Variants in ZNF280D observed in about 807,000 individuals in gnomAD.
ZNF280D encodes suppressor of hairy wing homolog 4.
ZNF280D carries 39 observed loss-of-function variants against 94.7 expected under a neutral mutation model. That is an observed-to-expected ratio of 0.41 (90% CI 0.32 to 0.54). ZNF280D has a LOEUF of 0.54. ZNF280D is among the 20% of genes least tolerant of loss of function. The pLI, the probability that ZNF280D is intolerant of heterozygous loss-of-function variation, is 0.22. For missense variants in ZNF280D, 1,090 were observed against 1,149.3 expected, an observed-to-expected ratio of 0.95 and a Z score of 0.75; for synonymous variants, 398 against 377.6, an observed-to-expected ratio of 1.05 and a Z score of -0.63.
At chr15:56,669,927 ATATATATAT>A (rs1566960453) in intron 13 of ZNF280D, among the ~76,000 whole-genome samples, 104 of 8,462 alleles carry the variant, frequency 0.012, 31 homozygotes, top group African/African-American at 0.037. Flanking sequence ...TATATATATT[ATATATATAT>A]TATATATATA....
chr15:56,676,917 C>T, intron 12 of ZNF280D, 101 bp from the exon 13 acceptor site: 2 of 891,992 alleles, frequency 2.2e-6, no homozygotes, highest in Middle Eastern at 3.5e-4. Context: ...ACATTATGTA[C>T]TACTAATCTA....
intron 6 of ZNF280D, chr15:56,700,711 G>A: frequency 6.9e-7 from 1 of 1,445,626 alleles, no homozygotes; most frequent in Non-Finnish European, 9.1e-7. Flanking sequence ...TACCTATTTA[G>A]GCATACTGCC....
At chr15:56,642,094 G>T (rs1285307394) in intron 20 of ZNF280D, among the ~76,000 whole-genome samples, 1 of 151,506 alleles carries the variant, frequency 6.6e-6, no homozygotes, top group Admixed American at 6.6e-5. Context: ...TAAGATTCGA[G>T]TTCAACATAT....
At chr15:56,649,185 T>C (rs1287859114) in intron 19 of ZNF280D, among the ~76,000 whole-genome samples, 3 of 152,142 alleles carry the variant, frequency 2.0e-5, no homozygotes, top group African/African-American at 7.2e-5. Flanking sequence ...GGTTTGTTGG[T>C]AATATTGAAT....
chr15:56,653,953 G>T (rs2053366738), intron 19 of ZNF280D: 2 of 1,372,628 alleles, frequency 1.5e-6, no homozygotes, highest in Admixed American at 6.0e-5. Flanking sequence ...TCATGAACTT[G>T]GCTGCTCAAC....
chr15:56,657,870 T>C (rs2053655567), intron 17 of ZNF280D, among the ~76,000 whole-genome samples: 1 of 152,002 alleles, frequency 6.6e-6, no homozygotes, highest in African/African-American at 2.4e-5. Flanking sequence ...CAATCATAAG[T>C]ATATACTAAA....
intron 10 of ZNF280D, among the ~76,000 whole-genome samples, chr15:56,680,912 T>C (rs1357680272): frequency 2.0e-5 from 3 of 152,180 alleles, no homozygotes; most frequent in Admixed American, 6.5e-5. Context: ...TTACCATATT[T>C]ACTAACATGA....
chr15:56,658,287 C>G, intron 17 of ZNF280D, 137 bp downstream of exon 17: 2 of 630,358 alleles, frequency 3.2e-6, no homozygotes. Flanking sequence ...CTGCACAACT[C>G]TGTGAATATC....
intron 9 of ZNF280D, among the ~76,000 whole-genome samples, chr15:56,685,009 T>TA (rs1399355133): frequency 6.6e-6 from 1 of 152,030 alleles, no homozygotes; most frequent in African/African-American, 2.4e-5. Flanking sequence ...TCAAACCACT[T>TA]ATAAAAGGCA....
chr15:56,666,978 A>T lies in ZNF280D; in HGVS notation c.1554T>A (p.Ile518=). The part of the protein sequence containing the change: ...EGLPPGTKVT[I]RASVGPLQSG... Reference sequence around the variant, plus strand: ...ATTGCAGAGGTCCAACTGAAGCTCGAATAGTAACCTACAAAAATAAAGAGA... The same window carrying T: ...ATTGCAGAGGTCCAACTGAAGCTCGTATAGTAACCTACAAAAATAAAGAGA... The change falls in exon 15 of 22, where the codon ATT becomes ATA. Residue 518 remains isoleucine (I), a synonymous_variant. Transcript: ENST00000267807. The T allele has an allele frequency of 6.3e-7, 1 of 1,581,414 alleles. No individual in the cohort carries two copies. Among genetic ancestry groups the T allele is most frequent in the Non-Finnish European group, 8.6e-7 (1 of 1,165,746 alleles).
At chr15:56,676,614 A>T in intron 13 of ZNF280D, 56 bp downstream of exon 13, 1 of 1,455,434 alleles carries the variant, frequency 6.9e-7, no homozygotes, top group East Asian at 2.4e-5. Context: ...TCCAAGTCAT[A>T]ATCAGTTTTT....
intron 1 of ZNF280D, among the ~76,000 whole-genome samples, chr15:56,724,300 C>T (rs1212967273): frequency 6.6e-6 from 1 of 152,164 alleles, no homozygotes; most frequent in Non-Finnish European, 1.5e-5. Context: ...TGCTTTCATT[C>T]TGTCATTTAC....
At chr15:56,637,767 A>T (rs2052427822) in intron 20 of ZNF280D, among the ~76,000 whole-genome samples, 1 of 152,106 alleles carries the variant, frequency 6.6e-6, no homozygotes, top group African/African-American at 2.4e-5. Context: ...TCAAGGCAGT[A>T]GCAACCTGTA....
intron 17 of ZNF280D, among the ~76,000 whole-genome samples, chr15:56,656,725 T>A (rs574124065): frequency 6.6e-6 from 1 of 152,300 alleles, no homozygotes; most frequent in African/African-American, 2.4e-5. Context: ...GTGCCTACTA[T>A]GTGCCAGGCA....
intron 6 of ZNF280D, chr15:56,698,780 G>C (rs1321704782): frequency 6.6e-6 from 1 of 152,212 alleles, no homozygotes. Context: ...GCCTTATTGG[G>C]AAGACCTACG....
rs1023557660 is a variant in ZNF280D at position 56,665,857 on chromosome 15, C to T, written c.1994+538G>A. Among the ~76,000 whole-genome samples, 7 of 152,090 alleles carry T rather than the reference C, an allele frequency of 4.6e-5. 1 individual carries two copies. The highest frequency in any genetic ancestry group is 1.9e-4 in the East Asian group (1 of 5,186). ...TTCCATGGAAAAACTATTTCCCAGC[C>T]GGGTGCAATGGCTCATGCCTGTAAT... On this transcript the variant is annotated intron_variant, in intron 16 of 21. Transcript: ENST00000267807.
Position 56,632,102 on chromosome 15 carries a change from G to A in ZNF280D, c.2336C>T (p.Ser779Phe). The A allele has an allele frequency of 6.3e-7, 1 of 1,585,530 alleles. No individual in the cohort carries two copies. Among genetic ancestry groups the A allele is most frequent in the Non-Finnish European group, 8.6e-7 (1 of 1,167,962 alleles). The change falls in exon 22 of 22, where the codon TCT (serine) becomes TTT (phenylalanine). Residue 779 changes from serine (S) to phenylalanine (F), a missense_variant. This residue lies in a region of ZNF280D where 577 missense variants were observed against 568.8 expected (regional missense o/e 1.01). Coordinates refer to ENST00000267807, the MANE Select transcript of ZNF280D (RefSeq NM_017661.4). ...ATTACATCCATTTTTTTCTTTTGAA[G>A]AAGCAGCTTTATCTTGTTTACTGAA... The part of the protein sequence containing the change: ...NSESKQDKAA[S>F]SKEKNGCNAN...
intron 9 of ZNF280D, among the ~76,000 whole-genome samples, chr15:56,683,870 C>T (rs1180322263): frequency 2.0e-5 from 3 of 152,120 alleles, no homozygotes; most frequent in Admixed American, 1.3e-4. Context: ...AAGCACTATT[C>T]AAAGAAGCCA....
intron 6 of ZNF280D, chr15:56,699,650 A>C (rs2056942298): frequency 1.1e-6 from 1 of 883,024 alleles, no homozygotes; most frequent in African/African-American, 1.8e-5. Flanking sequence ...AAGATTTGTC[A>C]CTCATTCTTT....
Sources: allele counts gnomAD v4.1 joint callset (sites outside exome capture counted in the v4.1 genomes callset), GRCh38; gene constraint gnomAD v4.1.1; regional missense constraint gnomAD v4.1.1; transcripts MANE v1.5; gene names NCBI Gene and HGNC (gene_info 2026-07-23, HGNC 2026-07-21).